ADRA1A: variants seen among roughly 807,000 people sequenced by gnomAD.
ADRA1A encodes the protein adrenoceptor alpha 1A, also known as alpha-1A adrenergic receptor.
Under a neutral mutation model 29.6 loss-of-function variants are expected in ADRA1A, and 31 were observed. The ratio of observed to expected loss-of-function variants is 1.05; its 90% CI spans 0.79 to 1.41. The LOEUF is 1.41. Ranked by LOEUF, ADRA1A falls within the 40% of genes most tolerant of loss-of-function variation. The pLI is 0.00. For synonymous variants in ADRA1A, 311 were observed against 254.3 expected, an observed-to-expected ratio of 1.22 and a Z score of -2.12; for missense variants, 619 against 601.1, an observed-to-expected ratio of 1.03 and a Z score of -0.31.
chr8:26,761,213 C>T (rs1755269990), downstream of ADRA1A, among the ~76,000 whole-genome samples: 2 of 152,086 alleles, frequency 1.3e-5, no homozygotes. Context: ...AATTAGTTGC[C>T]AAATACATTC....
At chr8:26,766,653 T>C (rs1268630427), downstream of ADRA1A, among the ~76,000 whole-genome samples, 2 of 152,130 alleles carry the variant, frequency 1.3e-5, no homozygotes, top group African/African-American at 2.4e-5. Context: ...CCCCATTCTC[T>C]TGAGGAAGGG....
chr8:26,779,938 A>G (rs1464359583), intron 2 of ADRA1A, among the ~76,000 whole-genome samples: 1 of 152,178 alleles, frequency 6.6e-6, no homozygotes, highest in Non-Finnish European at 1.5e-5. Context: ...GATAGGATGG[A>G]AAGGGAAGAA....
intron 2 of ADRA1A, among the ~76,000 whole-genome samples, chr8:26,837,747 G>C (rs1811492090): frequency 6.6e-6 from 1 of 151,976 alleles, no homozygotes; most frequent in African/African-American, 2.4e-5. Context: ...AAGGAAAAAA[G>C]CTTTGCTTTA....
At chr8:26,799,707 G>A (rs988000331) in intron 2 of ADRA1A, among the ~76,000 whole-genome samples, 3 of 152,140 alleles carry the variant, frequency 2.0e-5, no homozygotes, top group East Asian at 3.9e-4. Flanking sequence ...TGTCATGTAT[G>A]ACATCTGGAG....
rs1222245935 is a variant in ADRA1A at position 26,848,144 on chromosome 8, T to C, written c.883+15943A>G. ...ACAGGGAAGGCAGCCAGGCAGCTCC[T>C]GCAAGATGTCACTAATCCCTTGCGT... On this transcript the variant is annotated intron_variant, in intron 2 of 2. Transcript: ENST00000380573. This position sits in a 1 kb window ranked among gnomAD's most constrained non-coding sequence, Gnocchi z 4.3. Among the ~76,000 whole-genome samples the C allele has an allele frequency of 6.6e-6, 1 of 152,238 alleles. No individual in the cohort carries two copies. The highest frequency in any genetic ancestry group is 1.5e-5 in the Non-Finnish European group (1 of 68,042).
At chr8:26,814,297 G>A (rs1239289617) in intron 2 of ADRA1A, among the ~76,000 whole-genome samples, 1 of 152,022 alleles carries the variant, frequency 6.6e-6, no homozygotes, top group Non-Finnish European at 1.5e-5. Context: ...AGGCTGGAGT[G>A]CAGTGATATG....
intron 2 of ADRA1A, chr8:26,779,137 C>A (rs1358132276): frequency 8.7e-6 from 5 of 575,430 alleles, no homozygotes; most frequent in Non-Finnish European, 1.5e-5. Flanking sequence ...CTCCAGAGCA[C>A]AGATGATATG....
chr8:26,769,516 T>C lies in ADRA1A; in HGVS notation c.*633A>G. 1.0e-6 allele frequency: 1 copy of C among 985,386 alleles called. No homozygotes were observed. The highest frequency in any genetic ancestry group is 6.1e-5 in the Admixed American group (1 of 16,278). The allele number at this position is 985,386 out of a possible 1,614,324, so 61.0% of individuals were successfully genotyped here. On this transcript the variant is annotated 3_prime_UTR_variant, in exon 3 of 3. Coordinates refer to ENST00000380573, the MANE Select transcript of ADRA1A (RefSeq NM_000680.4). ...CCAAGACATCATGAGTGCCCCTCAC[T>C]CTCATCTTTGGGAAATGAGGAGCAG... is the stretch of plus-strand genomic sequence containing the variant.
Position 26,825,359 on chromosome 8 carries a change from T to C in ADRA1A, c.883+38728A>G, listed in dbSNP as rs1810479774. Among the ~76,000 whole-genome samples the C allele has an allele frequency of 1.4e-5, 2 of 138,458 alleles. No homozygotes were observed. The highest frequency in any genetic ancestry group is 1.4e-4 in the Admixed American group (2 of 13,906). 90.8% of individuals were successfully genotyped at this position (138,458 alleles called of 152,430 possible). Reference sequence around the variant, plus strand: ...ACCATTCTTCCATGAAACACTCAAGTGGGAGAGTTTGGTTGTTTGACAAAA... The same window carrying C: ...ACCATTCTTCCATGAAACACTCAAGCGGGAGAGTTTGGTTGTTTGACAAAA... On this transcript the variant is annotated intron_variant, in intron 2 of 2. Transcript: ENST00000380573. The surrounding 1 kb of genome is among the most constrained non-coding windows in gnomAD (Gnocchi z 5.7).
At chr8:26,801,273 C>A (rs541448672) in intron 2 of ADRA1A, among the ~76,000 whole-genome samples, 1 of 152,134 alleles carries the variant, frequency 6.6e-6, no homozygotes, top group Admixed American at 6.5e-5. Context: ...GGAGTCCTAA[C>A]TAGATCAATC....
rs1485470484 is a variant in ADRA1A at position 26,864,955 on chromosome 8, C to T, written c.15G>A (p.Ser5=). 1.0e-5 allele frequency: 16 copies of T among 1,606,144 alleles called. No individual in the cohort carries two copies. Among genetic ancestry groups the T allele is most frequent in the African/African-American group, 1.3e-5 (1 of 74,850 alleles). The change falls in exon 2 of 3, where the codon TCG becomes TCA. Residue 5 remains serine (S), a synonymous_variant. Transcript: ENST00000380573. The surrounding 1 kb of genome is among the most constrained non-coding windows in gnomAD (Gnocchi z 8.1). MVFL[S]GNASDSSNCT... is the part of the protein sequence containing the mutation. The stretch of plus-strand genomic sequence containing the variant: ...AGTTGGAGCTGTCGGAAGCATTTCC[C>T]GAGAGAAACACCATGGTCCCAGCCG...
Position 26,769,869 on chromosome 8 carries a change from C to T in ADRA1A, c.*280G>A. 1 of 1,175,276 alleles carries T rather than the reference C, an allele frequency of 8.5e-7. No individual in the cohort carries two copies. The highest frequency in any genetic ancestry group is 1.1e-6 in the Non-Finnish European group (1 of 951,354). 72.8% of individuals were successfully genotyped at this position (1,175,276 alleles called of 1,614,324 possible). On this transcript the variant is annotated 3_prime_UTR_variant, in exon 3 of 3. Transcript: ENST00000380573. ...GGATTGTGCATGAAATTCTGTTTCC[C>T]ATGGTGGTTTTCGTTGAAGTGGGCA...
At position 26,821,789 on chromosome 8, in the gene ADRA1A, T is replaced by C. The variant is rs1006660347; in HGVS notation, c.883+42298A>G. Reference sequence around the variant, plus strand: ...GATCTTCACTCCTGGAAATCACTAATCTGTTCTCTATTTCTATAATTTTGT... The same window carrying C: ...GATCTTCACTCCTGGAAATCACTAACCTGTTCTCTATTTCTATAATTTTGT... On this transcript the variant is annotated intron_variant, in intron 2 of 2. Coordinates refer to ENST00000380573, the MANE Select transcript of ADRA1A (RefSeq NM_000680.4). The surrounding 1 kb of genome is among the most constrained non-coding windows in gnomAD (Gnocchi z 5.6). Among the ~76,000 whole-genome samples the C allele has an allele frequency of 6.6e-6, 1 of 152,222 alleles. No individual in the cohort carries two copies. The highest frequency in any genetic ancestry group is 2.4e-5 in the African/African-American group (1 of 41,462).
At chr8:26,760,123 A>G (rs1805423337) in intron 2 of ADRA1A, among the ~76,000 whole-genome samples, 1 of 152,238 alleles carries the variant, frequency 6.6e-6, no homozygotes, top group African/African-American at 2.4e-5. Context: ...CCAAATGAGG[A>G]TAAATGCTCC....
chr8:26,835,491 C>T (rs1211821992), intron 2 of ADRA1A, among the ~76,000 whole-genome samples: 1 of 152,182 alleles, frequency 6.6e-6, no homozygotes, highest in Non-Finnish European at 1.5e-5. Context: ...GAAGCAAACA[C>T]ATCCTTCTTC....
chr8:26,862,401 G>A (rs1813544551), intron 2 of ADRA1A, among the ~76,000 whole-genome samples: 2 of 152,124 alleles, frequency 1.3e-5, no homozygotes, highest in Admixed American at 1.3e-4. Flanking sequence ...TTTTGATAGT[G>A]CATGTTAATC....
intron 2 of ADRA1A, among the ~76,000 whole-genome samples, chr8:26,822,140 C>CA (rs1304970307): frequency 6.6e-6 from 1 of 152,136 alleles, no homozygotes; most frequent in East Asian, 1.9e-4. Context: ...ATGGTAATTG[C>CA]ATGTTCATAT....
At chr8:26,760,930 A>G (rs1001602150), downstream of ADRA1A, among the ~76,000 whole-genome samples, 1 of 152,128 alleles carries the variant, frequency 6.6e-6, no homozygotes, top group Non-Finnish European at 1.5e-5. Context: ...TGATGTTTCC[A>G]GGTCCCTGGG....
At chr8:26,844,657 C>A (rs964473657) in intron 2 of ADRA1A, among the ~76,000 whole-genome samples, 1 of 152,106 alleles carries the variant, frequency 6.6e-6, no homozygotes, top group Non-Finnish European at 1.5e-5. Context: ...ATAGATGATG[C>A]TTGGACAATT....
Sources: gnomAD v4.1 joint callset for allele counts (sites outside exome capture counted in the v4.1 genomes callset) on GRCh38, gnomAD v4.1.1 for gene constraint, Gnocchi (gnomAD v3.1) non-coding constraint, MANE v1.5 for transcripts, NCBI Gene and HGNC (gene_info 2026-07-23, HGNC 2026-07-21) for gene names.